The following LRMDA variants were observed in gnomAD, a reference collection of about 807,000 sequenced individuals.
LRMDA encodes the protein leucine rich melanocyte differentiation associated.
Under a neutral mutation model 29.8 loss-of-function variants are expected in LRMDA, and 18 were observed. The observed-to-expected ratio is 0.60, with a 90% CI of 0.42 to 0.90. The LOEUF is 0.90. Ranked by LOEUF, LRMDA falls within the 40% of genes least tolerant of loss-of-function variation. LRMDA has a pLI of 0.00. For synonymous variants in LRMDA, 125 were observed against 109.4 expected, an observed-to-expected ratio of 1.14 and a Z score of -0.89; for missense variants, 273 against 273.9, an observed-to-expected ratio of 1.00 and a Z score of 0.02.
intron 2 of LRMDA, among the ~76,000 whole-genome samples, chr10:75,663,019 T>C (rs1477097102): frequency 6.6e-6 from 1 of 152,192 alleles, no homozygotes; most frequent in Non-Finnish European, 1.5e-5. Flanking sequence ...AGCAGGCTGA[T>C]TTAAGTGTTG....
chr10:76,104,923 A>G (rs1321084148), intron 5 of LRMDA, among the ~76,000 whole-genome samples: 2 of 152,076 alleles, frequency 1.3e-5, no homozygotes. Context: ...TGTTTCTAGA[A>G]TGTACAAAGC....
At chr10:75,796,102 C>A (rs1339922471) in intron 2 of LRMDA, among the ~76,000 whole-genome samples, 5 of 152,060 alleles carry the variant, frequency 3.3e-5, no homozygotes, top group Non-Finnish European at 5.9e-5. Flanking sequence ...TTTTTAAATT[C>A]ATCAGGAGGT....
chr10:75,638,104 T>C (rs60356170), intron 2 of LRMDA, among the ~76,000 whole-genome samples: 6,636 of 152,030 alleles, frequency 0.044, 367 homozygotes, highest in African/African-American at 0.12. Flanking sequence ...TTCCACAGAG[T>C]CCCAATACAG....
At chr10:75,613,150 A>C (rs1841054876) in intron 2 of LRMDA, among the ~76,000 whole-genome samples, 1 of 151,602 alleles carries the variant, frequency 6.6e-6, no homozygotes, top group African/African-American at 2.4e-5. Flanking sequence ...ACTGTGGCTC[A>C]GGATTAAACA....
At chr10:76,256,616 A>G (rs1852598296) in intron 5 of LRMDA, among the ~76,000 whole-genome samples, 2 of 152,238 alleles carry the variant, frequency 1.3e-5, no homozygotes, top group Non-Finnish European at 2.9e-5. Context: ...AATTCAGGCA[A>G]TTAAAGTGAT....
intron 6 of LRMDA, among the ~76,000 whole-genome samples, chr10:76,517,500 ATC>A (rs1843073884): frequency 6.6e-6 from 1 of 152,166 alleles, no homozygotes; most frequent in South Asian, 2.1e-4. Context: ...AAGTAAATCT[ATC>A]TCTCAAGAAG....
chr10:76,005,115 C>A (rs1847627534), intron 2 of LRMDA, among the ~76,000 whole-genome samples: 1 of 152,122 alleles, frequency 6.6e-6, no homozygotes, highest in Admixed American at 6.5e-5. Context: ...ATTTATCCCC[C>A]TCCAACAAGG....
At chr10:75,775,714 C>G (rs1194318265) in intron 2 of LRMDA, among the ~76,000 whole-genome samples, 2 of 152,204 alleles carry the variant, frequency 1.3e-5, no homozygotes, top group Admixed American at 6.5e-5. Flanking sequence ...CTCTTGGTGG[C>G]TCCACAGAGC....
rs542036653 is a variant in LRMDA, at chr10:76,419,676, A to G, written c.601+95191A>G. Among the ~76,000 whole-genome samples the G allele has an allele frequency of 4.6e-5, 7 of 152,150 alleles. No homozygotes were observed. In the East Asian group the frequency reaches 1.3e-3, roughly 29 times the overall value. The stretch of plus-strand genomic sequence containing the variant: ...AATGGCTGTACCATTTTGCATTCCC[A>G]CCAGCAGTTATTGAGCATTCCTTAC... On this transcript the variant is annotated intron_variant, in intron 6 of 6. Coordinates refer to ENST00000611255, the MANE Select transcript of LRMDA (RefSeq NM_001305581.2).
At chr10:75,480,453 G>C (rs2915030) in intron 2 of LRMDA, among the ~76,000 whole-genome samples, 1,760 of 119,670 alleles carry the variant, frequency 0.015, 34 homozygotes, top group African/African-American at 0.05. Context: ...CAGGCGGCAT[G>C]TCTGTCCTCA....
chr10:76,388,392 T>A (rs1439511253), intron 6 of LRMDA, among the ~76,000 whole-genome samples: 3 of 152,224 alleles, frequency 2.0e-5, no homozygotes, highest in Non-Finnish European at 4.4e-5. Flanking sequence ...ACATGAATGC[T>A]AGGGCTGACT....
At chr10:75,528,522 G>A (rs2132041335) in intron 2 of LRMDA, among the ~76,000 whole-genome samples, 1 of 152,274 alleles carries the variant, frequency 6.6e-6, no homozygotes. Flanking sequence ...CTGAAGCAGG[G>A]GTTGAGAAGA....
At chr10:76,127,436 G>A (rs1353783497) in intron 5 of LRMDA, among the ~76,000 whole-genome samples, 1 of 152,150 alleles carries the variant, frequency 6.6e-6, no homozygotes, top group Non-Finnish European at 1.5e-5. Flanking sequence ...GGGCACTTCT[G>A]TTCCCACCAG....
chr10:76,232,587 C>T (rs185269979), intron 5 of LRMDA, among the ~76,000 whole-genome samples: 125 of 152,328 alleles, frequency 8.2e-4, no homozygotes, highest in Middle Eastern at 3.4e-3. Flanking sequence ...CTCTGGCCAG[C>T]GATGCCCTAC....
chr10:76,093,345 A>T (rs4993618), intron 5 of LRMDA, among the ~76,000 whole-genome samples: 61,314 of 146,448 alleles, frequency 0.42, 13,036 homozygotes, highest in Non-Finnish European at 0.44. Context: ...GTTATTATAG[A>T]CAAAAAAAAA....
chr10:76,471,153 G>T (rs1842613713), intron 6 of LRMDA, among the ~76,000 whole-genome samples: 1 of 151,600 alleles, frequency 6.6e-6, no homozygotes, highest in Non-Finnish European at 1.5e-5. Flanking sequence ...ATGATAAATA[G>T]AAAGGGAAAT....
chr10:76,456,653 TAAA>T (rs759893190), intron 6 of LRMDA, among the ~76,000 whole-genome samples: 2 of 127,398 alleles, frequency 1.6e-5, no homozygotes, highest in African/African-American at 5.7e-5. Context: ...GCACTCTTAT[TAAA>T]AAAAAAAAAA....
chr10:75,673,104 G>C (rs1366906233), intron 2 of LRMDA, among the ~76,000 whole-genome samples: 1 of 152,058 alleles, frequency 6.6e-6, no homozygotes, highest in Non-Finnish European at 1.5e-5. Flanking sequence ...ACCTGACAGA[G>C]GCCTTGTGCT....
chr10:76,144,007 T>C (rs1246244318), intron 5 of LRMDA, among the ~76,000 whole-genome samples: 1 of 152,172 alleles, frequency 6.6e-6, no homozygotes, highest in Non-Finnish European at 1.5e-5. Context: ...GTTGTAGACA[T>C]GCGGCATTAT....
Sources: allele counts gnomAD v4.1 joint callset (sites outside exome capture counted in the v4.1 genomes callset), GRCh38; gene constraint gnomAD v4.1.1; transcripts MANE v1.5; gene names NCBI Gene and HGNC (gene_info 2026-07-23, HGNC 2026-07-21).